The following TF variants were observed in gnomAD, a reference collection of about 807,000 sequenced individuals.
TF encodes transferrin.
In TF, 55 loss-of-function variants were observed where a neutral mutation model predicts 82.4. That is an observed-to-expected ratio of 0.67 (90% CI 0.54 to 0.84). TF has a LOEUF of 0.84. Ranked by LOEUF, TF falls within the 40% of genes least tolerant of loss-of-function variation. The pLI, the probability that TF is intolerant of heterozygous loss-of-function variation, is 0.00. For synonymous variants in TF, 332 were observed against 332.6 expected (o/e 1.00, Z 0.02); for missense variants, 737 against 868.4 (o/e 0.85, Z 1.90).
intron 2 of TF, among the ~76,000 whole-genome samples, chr3:133,748,976 A>G (rs913059361): frequency 6.6e-6 from 1 of 151,980 alleles, no homozygotes; most frequent in Non-Finnish European, 1.5e-5. Flanking sequence ...CCTGGCCAAC[A>G]TGGCGAAACC....
At chr3:133,775,715 T>C in intron 15 of TF, 98 bp downstream of exon 15, 1 of 1,282,464 alleles carries the variant, frequency 7.8e-7, no homozygotes, top group Admixed American at 1.8e-5. Context: ...TCCAGCACTT[T>C]CTTTTTGAAA....
chr3:133,756,409 A>G (rs1457457190), intron 6 of TF, 72 bp downstream of exon 6: 3 of 1,481,640 alleles, frequency 2.0e-6, no homozygotes, highest in African/African-American at 1.4e-5. Flanking sequence ...TCCCTTTTTC[A>G]TGCTCAGTAA....
At chr3:133,715,579 T>C in the TF span, among the ~76,000 whole-genome samples, 1 of 152,164 alleles carries the variant, frequency 6.6e-6, no homozygotes, top group Non-Finnish European at 1.5e-5. Flanking sequence ...TCCACCTCAC[T>C]TTCCTCTCCC....
chr3:133,736,715 A>G, the TF span, among the ~76,000 whole-genome samples: 1 of 152,014 alleles, frequency 6.6e-6, no homozygotes, highest in African/African-American at 2.4e-5. Flanking sequence ...TAAAAAAAAG[A>G]CAAAGAAGAG....
intron 14 of TF, chr3:133,775,135 T>TTGAAGATTCAA: frequency 4.4e-6 from 2 of 452,152 alleles, no homozygotes; most frequent in Non-Finnish European, 8.2e-6. Context: ...GGAATTGGAA[T>TTGAAGATTCAA]TTAGTGGAAT....
the TF span, among the ~76,000 whole-genome samples, chr3:133,683,997 A>G: frequency 6.6e-6 from 1 of 152,240 alleles, no homozygotes; most frequent in Non-Finnish European, 1.5e-5. Context: ...ATTATAACAA[A>G]CTATCTCTCA....
chr3:133,725,499 T>C, the TF span, among the ~76,000 whole-genome samples: 15 of 152,240 alleles, frequency 9.9e-5, no homozygotes, highest in Non-Finnish European at 2.1e-4. Flanking sequence ...TTTTTGTACA[T>C]TGATTTTACA....
the TF span, among the ~76,000 whole-genome samples, chr3:133,729,758 G>T: frequency 4.6e-5 from 7 of 152,222 alleles, no homozygotes; most frequent in Non-Finnish European, 1.0e-4. Flanking sequence ...CATCGCTCAC[G>T]CTGGGAGCTG....
the TF span, among the ~76,000 whole-genome samples, chr3:133,668,637 G>A: frequency 8.5e-5 from 13 of 152,116 alleles, no homozygotes; most frequent in African/African-American, 1.2e-4. Context: ...AGACCATGTA[G>A]AAACCCTTAG....
At chr3:133,664,026 G>A in the TF span, among the ~76,000 whole-genome samples, 2 of 152,274 alleles carry the variant, frequency 1.3e-5, no homozygotes, top group African/African-American at 4.8e-5. Flanking sequence ...TAAAGCAGTG[G>A]TTCTGATGTG....
At chr3:133,723,489 T>G in the TF span, among the ~76,000 whole-genome samples, 1 of 150,336 alleles carries the variant, frequency 6.7e-6, no homozygotes, top group East Asian at 1.9e-4. Flanking sequence ...TTTTTTTTTT[T>G]TCTCTCTGAC....
intron 14 of TF, among the ~76,000 whole-genome samples, chr3:133,772,598 T>A (rs1576366955): frequency 6.6e-6 from 1 of 152,184 alleles, no homozygotes. Context: ...CTGTCAACGT[T>A]CCCTCCTCTT....
At chr3:133,768,272 G>A in intron 13 of TF, 108 bp downstream of exon 13, 1 of 1,427,898 alleles carries the variant, frequency 7.0e-7, no homozygotes, top group Non-Finnish European at 9.6e-7. Context: ...AGTGCGGCAT[G>A]TATTAAGAGA....
chr3:133,671,238 C>T, the TF span, among the ~76,000 whole-genome samples: 1 of 152,184 alleles, frequency 6.6e-6, no homozygotes, highest in Non-Finnish European at 1.5e-5. Flanking sequence ...TTTCTGGAGG[C>T]TCTGCTTCTA....
intron 12 of TF, 25 bp from the exon 13 acceptor site, chr3:133,768,004 G>A: frequency 1.9e-6 from 3 of 1,613,998 alleles, no homozygotes; most frequent in Non-Finnish European, 2.5e-6. Flanking sequence ...AGGAAAAGCT[G>A]ACTTCCTCTT....
the TF span, chr3:133,707,438 C>A: frequency 6.6e-6 from 1 of 152,272 alleles, no homozygotes; most frequent in Admixed American, 6.5e-5. Context: ...CCCTAACCTG[C>A]TCTTCCCATT....
At chr3:133,757,078 G>T in intron 7 of TF, 69 bp downstream of exon 7, 1 of 1,595,448 alleles carries the variant, frequency 6.3e-7, no homozygotes, top group Middle Eastern at 1.7e-4. Context: ...TTTCCTCCTG[G>T]CCATCTTGTC....
rs577228263 is a variant in TF at position 133,767,793 on chromosome 3, G to C, written c.1487-236G>C. Among the ~76,000 whole-genome samples the C allele has an allele frequency of 3.7e-4, 57 of 152,124 alleles. 1 individual carries two copies. In the South Asian group the frequency reaches 7.9e-3, roughly 21 times the overall value. On this transcript the variant is annotated intron_variant, in intron 12 of 16. Transcript: ENST00000402696. The stretch of plus-strand genomic sequence containing the variant: ...TTAGCGTAGTGATGACATCATTATT[G>C]TGCTCAAATAAATCCCCTCTGCCCT...
At chr3:133,742,585 C>A (rs1395482200), upstream of TF, among the ~76,000 whole-genome samples, 1 of 152,158 alleles carries the variant, frequency 6.6e-6, no homozygotes, top group African/African-American at 2.4e-5. Flanking sequence ...CCCGACCCAG[C>A]GGGCTTGCAG....
Sources: gnomAD v4.1 joint callset for allele counts (sites outside exome capture counted in the v4.1 genomes callset) on GRCh38, gnomAD v4.1.1 for gene constraint, MANE v1.5 for transcripts, NCBI Gene and HGNC (gene_info 2026-07-23, HGNC 2026-07-21) for gene names.